Variants in FZD5 observed in about 807,000 individuals in gnomAD.
FZD5 encodes frizzled-5.
In FZD5, 12 loss-of-function variants were observed where a neutral mutation model predicts 40.8. That is an observed-to-expected ratio of 0.29 (90% CI 0.19 to 0.48). The LOEUF is 0.48. FZD5 is among the 20% of genes least tolerant of loss of function. The pLI is 0.99. For synonymous variants in FZD5, 380 were observed against 383.7 expected, an observed-to-expected ratio of 0.99 and a Z score of 0.11; for missense variants, 622 against 832.8, an observed-to-expected ratio of 0.75 and a Z score of 3.12.
At chr2:207,769,037 T>G in intron 1 of FZD5, 43 bp from the exon 2 acceptor site, 1 of 454,358 alleles carries the variant, frequency 2.2e-6, no homozygotes, top group East Asian at 4.2e-5. Flanking sequence ...AACCACTCCC[T>G]GTTGGAGAGG....
chr2:207,767,755 T>C lies in FZD5; in HGVS notation c.985A>G (p.Ser329Gly). ...FLLVYFFGMASSIWWVILSLT... is the reference protein window; with the variant it reads ...FLLVYFFGMAGSIWWVILSLT... Reference sequence around the variant, plus strand: ...GACAGGATGACCCACCAGATGGAGCTGGCCATGCCGAAGAAGTAGACCAGG... The same window carrying C: ...GACAGGATGACCCACCAGATGGAGCCGGCCATGCCGAAGAAGTAGACCAGG... The change falls in exon 2 of 2, where the codon AGC becomes GGC. Residue 329 changes from serine (S) to glycine (G), a missense_variant. Around this residue, in one of 4 missense-constraint regions of FZD5, gnomAD observed 208 missense variants for 348.9 expected, o/e 0.60. Coordinates refer to ENST00000295417, the MANE Select transcript of FZD5 (RefSeq NM_003468.4). 6 of 1,614,126 alleles carry C rather than the reference T, an allele frequency of 3.7e-6. No homozygotes were observed. The highest frequency in any genetic ancestry group is 5.1e-6 in the Non-Finnish European group (6 of 1,180,000).
rs1313791588 is a variant in FZD5, at chr2:207,767,547, T to C, written c.1193A>G (p.Asn398Ser). The change falls in exon 2 of 2, where the codon AAC (asparagine) becomes AGC (serine). Residue 398 changes from asparagine to serine, a missense_variant. This residue lies in a region of FZD5 where 208 missense variants were observed against 348.9 expected (regional missense o/e 0.60). Coordinates refer to ENST00000295417, the MANE Select transcript of FZD5 (RefSeq NM_003468.4). ...GICYVGNQNL[N>S]SLRGFVLGPL... Reference sequence around the variant, plus strand: ...GCCCAGCACGAAGCCGCGCAGCGAGTTCAGGTTCTGGTTGCCCACGTAGCA... The same window carrying C: ...GCCCAGCACGAAGCCGCGCAGCGAGCTCAGGTTCTGGTTGCCCACGTAGCA... 6.2e-7 allele frequency: 1 copy of C among 1,610,100 alleles called. No individual in the cohort carries two copies. The highest frequency in any genetic ancestry group is 2.2e-5 in the East Asian group (1 of 44,830).
Position 207,769,594 on chromosome 2 carries a change from C to A in FZD5, c.-585G>T, listed in dbSNP as rs1481090490. 2 of 152,660 alleles carry A rather than the reference C, an allele frequency of 1.3e-5. No homozygotes were observed. The highest frequency in any genetic ancestry group is 4.8e-5 in the African/African-American group (2 of 41,464). The allele number at this position is 152,660 out of a possible 1,614,324, so 9.5% of individuals were successfully genotyped here. A position where few individuals can be genotyped will look rare whatever the true frequency, so the allele number is the denominator to read the frequency against. On this transcript the variant is annotated 5_prime_UTR_variant, in exon 1 of 2. Transcript: ENST00000295417. ...CGGAGGGCGAGCGCGCCTGGCAGCA[C>A]CTGGGCGGGAGGAAGGCGGGAGGCG...
Position 207,767,039 on chromosome 2 carries a change from G to C in FZD5, c.1701C>G (p.Thr567=), listed in dbSNP as rs771853726. The C allele has an allele frequency of 6.6e-7, 1 of 1,505,814 alleles. No homozygotes were observed. The highest frequency in any genetic ancestry group is 8.8e-7 in the Non-Finnish European group (1 of 1,138,554). 93.3% of individuals were successfully genotyped at this position (1,505,814 alleles called of 1,614,324 possible). A position where few individuals can be genotyped will look rare whatever the true frequency, so the allele number is the denominator to read the frequency against. ...PEASAALTGR[T]GPPGPAATYH... is the part of the protein sequence containing the mutation. ...AGGTGGCGGCGGGGCCCGGCGGCCCGGTCCTGCCTGTGAGCGCGGCGCTCG... is the reference window on the plus strand; with the variant it reads ...AGGTGGCGGCGGGGCCCGGCGGCCCCGTCCTGCCTGTGAGCGCGGCGCTCG... Residue 567 remains threonine (T), a synonymous_variant, in exon 2 of 2, where the codon ACC becomes ACG. Coordinates refer to ENST00000295417, the MANE Select transcript of FZD5 (RefSeq NM_003468.4).
rs1273181817 is a variant in FZD5, at chr2:207,763,357, G to A, written c.*3625C>T. On this transcript the variant is annotated 3_prime_UTR_variant, in exon 2 of 2. Coordinates refer to ENST00000295417, the MANE Select transcript of FZD5 (RefSeq NM_003468.4). ...CTTTTGAGAGTCTTGACTCAGGTTA[G>A]CTACTTATATTCTGCCTACTCTTCA... is the stretch of plus-strand genomic sequence containing the variant. 1.3e-5 allele frequency: 2 copies of A among 152,596 alleles called. No homozygotes were observed. The highest frequency in any genetic ancestry group is 2.4e-5 in the African/African-American group (1 of 41,436). The allele number at this position is 152,596 out of a possible 1,614,324, so 9.5% of individuals were successfully genotyped here. A position where few individuals can be genotyped will look rare whatever the true frequency, so the allele number is the denominator to read the frequency against.
rs148996330 is a variant in FZD5, at chr2:207,767,267, G to C, written c.1473C>G (p.Thr491=). ...ACTCGGGCTTGGCGCGCGGCTGGCC[G>C]GTGTCGTGGCCCGGGCAGGCGCAGG... The part of the protein sequence containing the change: ...ALTCACPGHD[T]GQPRAKPEYW... Residue 491 remains threonine, a synonymous_variant, in exon 2 of 2, where the codon ACC becomes ACG. Transcript: ENST00000295417. The C allele has an allele frequency of 6.2e-7, 1 of 1,610,988 alleles. No homozygotes were observed. Among genetic ancestry groups the C allele is most frequent in the Non-Finnish European group, 8.5e-7 (1 of 1,179,106 alleles).
At position 207,763,419 on chromosome 2, in the gene FZD5, C is replaced by T. The variant is rs1202552701; in HGVS notation, c.*3563G>A. 6.6e-6 allele frequency: 1 copy of T among 152,550 alleles called. No individual in the cohort carries two copies. Among genetic ancestry groups the T allele is most frequent in the Admixed American group, 6.6e-5 (1 of 15,264 alleles). The allele number at this position is 152,550 out of a possible 1,614,324, so 9.4% of individuals were successfully genotyped here. A position where few individuals can be genotyped will look rare whatever the true frequency, so the allele number is the denominator to read the frequency against. ...CGTCTTGGCAGTTCTTTCAGAACCA[C>T]CCTCCGCAATCCAGACAGATTTGTT... On this transcript the variant is annotated 3_prime_UTR_variant, in exon 2 of 2. Transcript: ENST00000295417.
In FZD5 at chr2:207,766,517, C is replaced by T. The variant is rs2091980123; in HGVS notation, c.*465G>A. 1 of 152,936 alleles carries T rather than the reference C, an allele frequency of 6.5e-6. No homozygotes were observed. The highest frequency in any genetic ancestry group is 2.1e-4 in the South Asian group (1 of 4,842). 9.5% of individuals were successfully genotyped at this position (152,936 alleles called of 1,614,324 possible). Reference sequence around the variant, plus strand: ...CTGGCTGAAAAAGCACACCCAACAACTTCCCAGTCACAGCAACCGAAACGT... The same window carrying T: ...CTGGCTGAAAAAGCACACCCAACAATTTCCCAGTCACAGCAACCGAAACGT... On this transcript the variant is annotated 3_prime_UTR_variant, in exon 2 of 2. Transcript: ENST00000295417.
rs1383591847 is a variant in FZD5 at position 207,767,237 on chromosome 2, C to T, written c.1503G>A (p.Trp501Ter). 1 of 1,610,186 alleles carries T rather than the reference C, an allele frequency of 6.2e-7. No individual in the cohort carries two copies. The highest frequency in any genetic ancestry group is 8.5e-7 in the Non-Finnish European group (1 of 1,178,782). Residue 501 changes from tryptophan (W) to a stop codon, truncating the protein, a stop_gained, in exon 2 of 2, where the codon TGG (tryptophan) becomes TGA (stop). Coordinates refer to ENST00000295417, the MANE Select transcript of FZD5 (RefSeq NM_003468.4). LOFTEE classifies it high-confidence loss of function. ...ACATGAAGTACTTGAGCATGAGCAC[C>T]CAGTACTCGGGCTTGGCGCGCGGCT... ...TGQPRAKPEY[W>*]VLMLKYFMCL...
At position 207,764,823 on chromosome 2, in the gene FZD5, T is replaced by A. The variant is rs756473292; in HGVS notation, c.*2159A>T. 4 of 152,122 alleles carry A rather than the reference T, an allele frequency of 2.6e-5. No homozygotes were observed. Among genetic ancestry groups the A allele is most frequent in the Admixed American group, 2.6e-4 (4 of 15,270 alleles). 9.4% of individuals were successfully genotyped at this position (152,122 alleles called of 1,614,324 possible). A position where few individuals can be genotyped will look rare whatever the true frequency, so the allele number is the denominator to read the frequency against. On this transcript the variant is annotated 3_prime_UTR_variant, in exon 2 of 2. Transcript: ENST00000295417. The stretch of plus-strand genomic sequence containing the variant: ...TCTGTCTACTTTCTGGGAAGACATA[T>A]GAAATGAGGGAAAAGGTCAAGGTGA...
rs1363664498 is a variant in FZD5 at position 207,765,696 on chromosome 2, G to T, written c.*1286C>A. ...AGACGGCAGAGAGCAACGTCTTGCT[G>T]CTCTTGGAATATCTGGCTATAAACT... is the stretch of plus-strand genomic sequence containing the variant. On this transcript the variant is annotated 3_prime_UTR_variant, in exon 2 of 2. Coordinates refer to ENST00000295417, the MANE Select transcript of FZD5 (RefSeq NM_003468.4). The T allele has an allele frequency of 1.3e-5, 2 of 152,554 alleles. No individual in the cohort carries two copies. Among genetic ancestry groups the T allele is most frequent in the Non-Finnish European group, 2.9e-5 (2 of 68,026 alleles). The allele number at this position is 152,554 out of a possible 1,614,324, so 9.5% of individuals were successfully genotyped here. A position where few individuals can be genotyped will look rare whatever the true frequency, so the allele number is the denominator to read the frequency against.
At position 207,768,885 on chromosome 2, in the gene FZD5, T is replaced by C; in HGVS notation, c.-146A>G. On this transcript the variant is annotated 5_prime_UTR_variant, in exon 2 of 2. Transcript: ENST00000295417. ...TTGCTTTTTCCTTTAAAGAAAACCG[T>C]CCAAAGATAAACTGCTTCGGGAAGG... 1 of 664,842 alleles carries C rather than the reference T, an allele frequency of 1.5e-6. No homozygotes were observed. Among genetic ancestry groups the C allele is most frequent in the Non-Finnish European group, 2.6e-6 (1 of 389,404 alleles). 41.2% of individuals were successfully genotyped at this position (664,842 alleles called of 1,614,324 possible). A position where few individuals can be genotyped will look rare whatever the true frequency, so the allele number is the denominator to read the frequency against.
chr2:207,768,148 G>T lies in FZD5; in HGVS notation c.592C>A (p.Pro198Thr). 1 of 1,610,572 alleles carries T rather than the reference G, an allele frequency of 6.2e-7. No individual in the cohort carries two copies. The highest frequency in any genetic ancestry group is 2.2e-5 in the East Asian group (1 of 44,850). The change falls in exon 2 of 2, where the codon CCC becomes ACC. Residue 198 changes from proline (P) to threonine (T), a missense_variant. Transcript: ENST00000295417. ...FVCKCREPFVPILKESHPLYN... is the reference protein window; with the variant it reads ...FVCKCREPFVTILKESHPLYN... ...AGCGGGTGTGACTCCTTCAGAATGGGCACGAAGGGCTCGCGACACTTGCAC... is the reference window on the plus strand; with the variant it reads ...AGCGGGTGTGACTCCTTCAGAATGGTCACGAAGGGCTCGCGACACTTGCAC...
At position 207,769,536 on chromosome 2, in the gene FZD5, G is replaced by A. The variant is rs887651708; in HGVS notation, c.-527C>T. 6.6e-6 allele frequency: 1 copy of A among 152,510 alleles called. No individual in the cohort carries two copies. The highest frequency in any genetic ancestry group is 1.9e-4 in the East Asian group (1 of 5,200). The allele number at this position is 152,510 out of a possible 1,614,324, so 9.4% of individuals were successfully genotyped here. A position where few individuals can be genotyped will look rare whatever the true frequency, so the allele number is the denominator to read the frequency against. On this transcript the variant is annotated 5_prime_UTR_variant, in exon 1 of 2. Coordinates refer to ENST00000295417, the MANE Select transcript of FZD5 (RefSeq NM_003468.4). ...ATCCAGACGGAGCCGGGCAGGGGCA[G>A]GCCGTGCGTTCTCCCCGGGGCCGGG...
chr2:207,762,982 C>T lies in FZD5; in HGVS notation c.*4000G>A, dbSNP rs528082428. The T allele has an allele frequency of 1.3e-5, 2 of 152,532 alleles. No individual in the cohort carries two copies. Among genetic ancestry groups the T allele is most frequent in the African/African-American group, 2.4e-5 (1 of 41,430 alleles). 9.4% of individuals were successfully genotyped at this position (152,532 alleles called of 1,614,324 possible). ...AATTGATTGTCTACAAATAAAGTATCGCTGGCTCTAGTGTAACTTCTGGAT... is the reference window on the plus strand; with the variant it reads ...AATTGATTGTCTACAAATAAAGTATTGCTGGCTCTAGTGTAACTTCTGGAT... On this transcript the variant is annotated 3_prime_UTR_variant, in exon 2 of 2. Coordinates refer to ENST00000295417, the MANE Select transcript of FZD5 (RefSeq NM_003468.4).
chr2:207,767,283 C>T lies in FZD5; in HGVS notation c.1457G>A (p.Cys486Tyr). The T allele has an allele frequency of 6.2e-7, 1 of 1,611,092 alleles. No individual in the cohort carries two copies. Among genetic ancestry groups the T allele is most frequent in the Non-Finnish European group, 8.5e-7 (1 of 1,179,266 alleles). ...CGGCTGGCCGGTGTCGTGGCCCGGG[C>T]AGGCGCAGGTGAGCGCCGCCTCCCA... Reference protein sequence around the residue: ...ESWEAALTCACPGHDTGQPRA... With the variant: ...ESWEAALTCAYPGHDTGQPRA... The change falls in exon 2 of 2, where the codon TGC (cysteine) becomes TAC (tyrosine). Residue 486 changes from cysteine to tyrosine, a missense_variant. This residue lies in a region of FZD5 where 154 missense variants were observed against 152.1 expected (regional missense o/e 1.01). Transcript: ENST00000295417.
Position 207,767,232 on chromosome 2 carries a change from A to C in FZD5, c.1508T>G (p.Leu503Arg). 6.2e-7 allele frequency: 1 copy of C among 1,610,120 alleles called. No homozygotes were observed. Among genetic ancestry groups the C allele is most frequent in the Non-Finnish European group, 8.5e-7 (1 of 1,178,638 alleles). The change falls in exon 2 of 2, where the codon CTC (leucine) becomes CGC (arginine). Residue 503 changes from leucine (L) to arginine (R), a missense_variant. Leu to Arg is a moderately radical substitution (Grantham distance 102). Coordinates refer to ENST00000295417, the MANE Select transcript of FZD5 (RefSeq NM_003468.4). ...CAGGCACATGAAGTACTTGAGCATG[A>C]GCACCCAGTACTCGGGCTTGGCGCG... ...QPRAKPEYWV[L>R]MLKYFMCLVV...
chr2:207,766,145 C>T lies in FZD5; in HGVS notation c.*837G>A, dbSNP rs2091978745. 6.7e-6 allele frequency: 1 copy of T among 148,982 alleles called. No homozygotes were observed. The highest frequency in any genetic ancestry group is 2.2e-4 in the South Asian group (1 of 4,602). 9.2% of individuals were successfully genotyped at this position (148,982 alleles called of 1,614,324 possible). ...CACCCACTACCTCTCAGGCACAAAG[C>T]TGCCATCTCACCAGCCTAAAATTCA... On this transcript the variant is annotated 3_prime_UTR_variant, in exon 2 of 2. Transcript: ENST00000295417.
In FZD5 at chr2:207,768,613, C is replaced by G. The variant is rs927681454; in HGVS notation, c.127G>C (p.Gly43Arg). 1.2e-6 allele frequency: 2 copies of G among 1,613,936 alleles called. No homozygotes were observed. Among genetic ancestry groups the G allele is most frequent in the African/African-American group, 1.3e-5 (1 of 75,054 alleles). The change falls in exon 2 of 2, where the codon GGC (glycine) becomes CGC (arginine). Residue 43 changes from glycine to arginine, a missense_variant. Gly to Arg is a moderately radical substitution (Grantham distance 125). This residue lies in a region of FZD5 where 144 missense variants were observed against 214.2 expected (regional missense o/e 0.67). Coordinates refer to ENST00000295417, the MANE Select transcript of FZD5 (RefSeq NM_003468.4). ...CQEITVPMCR[G>R]IGYNLTHMPN... is the part of the protein sequence containing the mutation. ...ATGTGCGTCAGGTTGTAGCCGATGC[C>G]GCGGCACATGGGCACCGTGATTTCC... is the stretch of plus-strand genomic sequence containing the variant.
Sources: gnomAD v4.1 joint callset for allele counts on GRCh38, gnomAD v4.1.1 for gene constraint, gnomAD v4.1.1 regional missense constraint, MANE v1.5 for transcripts, NCBI Gene and HGNC (gene_info 2026-07-23, HGNC 2026-07-21) for gene names.